ME3: variants seen among roughly 807,000 people sequenced by gnomAD.
ME3 encodes the protein malic enzyme 3.
Under a neutral mutation model 68.9 loss-of-function variants are expected in ME3, and 48 were observed. That is an observed-to-expected ratio of 0.70 (90% CI 0.55 to 0.89). The LOEUF (loss-of-function observed/expected upper bound fraction) is 0.89, where lower values mean the gene tolerates loss of function less well. ME3 is among the 40% of genes least tolerant of loss of function. The pLI is 0.00. For missense variants in ME3, 675 were observed against 797.4 expected, an observed-to-expected ratio of 0.85 and a Z score of 1.85; for synonymous variants, 320 against 318.8, an observed-to-expected ratio of 1.00 and a Z score of -0.04.
chr11:86,533,689 A>G (rs1040565554), intron 4 of ME3, among the ~76,000 whole-genome samples: 2 of 152,234 alleles, frequency 1.3e-5, no homozygotes, highest in African/African-American at 4.8e-5. Context: ...CTACAAAGAA[A>G]AGAAGACTAC....
At chr11:86,589,977 C>T (rs889773794) in intron 2 of ME3, among the ~76,000 whole-genome samples, 1 of 152,176 alleles carries the variant, frequency 6.6e-6, no homozygotes, top group Non-Finnish European at 1.5e-5. Flanking sequence ...TTTTTAGCCT[C>T]TATCCCCAGC....
intron 7 of ME3, among the ~76,000 whole-genome samples, chr11:86,470,490 C>G (rs979253401): frequency 1.3e-5 from 2 of 152,064 alleles, no homozygotes; most frequent in Non-Finnish European, 2.9e-5. Flanking sequence ...TTGAGATGGT[C>G]TTAGAGAGAG....
chr11:86,616,487 TC>T (rs746056452), intron 2 of ME3, among the ~76,000 whole-genome samples: 26 of 152,224 alleles, frequency 1.7e-4, no homozygotes, highest in Non-Finnish European at 2.6e-4. Flanking sequence ...CCAAATCATA[TC>T]AATACTATAG....
At chr11:86,637,036 T>C (rs1443540429) in intron 2 of ME3, among the ~76,000 whole-genome samples, 1 of 152,072 alleles carries the variant, frequency 6.6e-6, no homozygotes, top group Admixed American at 6.6e-5. Context: ...CTTGAATCAA[T>C]GTAAAAAGTA....
intron 2 of ME3, among the ~76,000 whole-genome samples, chr11:86,646,789 G>C (rs2135409308): frequency 6.6e-6 from 1 of 152,166 alleles, no homozygotes; most frequent in African/African-American, 2.4e-5. Flanking sequence ...AAAATGTTAA[G>C]GGCAGCCAGA....
intron 2 of ME3, among the ~76,000 whole-genome samples, chr11:86,565,552 G>T (rs1013350235): frequency 6.6e-6 from 1 of 152,158 alleles, no homozygotes; most frequent in Admixed American, 6.5e-5. Context: ...CTATAAAAAG[G>T]AATGAAGTTC....
chr11:86,588,132 A>G (rs2139649735), intron 2 of ME3, among the ~76,000 whole-genome samples: 1 of 152,344 alleles, frequency 6.6e-6, no homozygotes, highest in South Asian at 2.1e-4. Context: ...CTGTGGCATG[A>G]ACAAGATAGG....
chr11:86,501,043 G>A (rs1340561327), intron 5 of ME3, among the ~76,000 whole-genome samples: 1 of 152,120 alleles, frequency 6.6e-6, no homozygotes, highest in African/African-American at 2.4e-5. Flanking sequence ...TCACAAAACA[G>A]CCTTTGTGGT....
chr11:86,559,402 A>G (rs1957089502), intron 3 of ME3, among the ~76,000 whole-genome samples: 1 of 152,128 alleles, frequency 6.6e-6, no homozygotes, highest in Non-Finnish European at 1.5e-5. Context: ...AGTGCTTCTT[A>G]TGCTGACTCA....
intron 4 of ME3, among the ~76,000 whole-genome samples, chr11:86,526,562 C>T (rs1232262254): frequency 6.6e-6 from 1 of 152,244 alleles, no homozygotes; most frequent in Non-Finnish European, 1.5e-5. Context: ...AATGGCCAGA[C>T]TGCCTCCTCA....
intron 8 of ME3, among the ~76,000 whole-genome samples, chr11:86,464,657 G>A (rs1395413910): frequency 3.3e-5 from 5 of 152,142 alleles, no homozygotes; most frequent in Non-Finnish European, 7.3e-5. Flanking sequence ...TTGGTGCTTC[G>A]GTCTGATGAG....
chr11:86,554,809 T>C (rs930850990), intron 4 of ME3, among the ~76,000 whole-genome samples: 1 of 152,232 alleles, frequency 6.6e-6, no homozygotes, highest in East Asian at 1.9e-4. Context: ...TTGCCAAGTA[T>C]TGGTCTAGAA....
intron 4 of ME3, among the ~76,000 whole-genome samples, chr11:86,517,150 G>A (rs533429112): frequency 6.6e-6 from 1 of 152,246 alleles, no homozygotes; most frequent in South Asian, 2.1e-4. Flanking sequence ...GCAAGCACAA[G>A]GCAGGCTGCC....
chr11:86,662,063 A>G (rs976468424), intron 2 of ME3, among the ~76,000 whole-genome samples: 6 of 152,244 alleles, frequency 3.9e-5, no homozygotes, highest in African/African-American at 1.4e-4. Flanking sequence ...TAACAGAGCC[A>G]GTGGAAGTGA....
At chr11:86,671,001 C>T (rs1029272495) in intron 2 of ME3, among the ~76,000 whole-genome samples, 5 of 152,132 alleles carry the variant, frequency 3.3e-5, no homozygotes, top group African/African-American at 1.2e-4. Flanking sequence ...TTCTATTTCT[C>T]TCACCCAATC....
intron 2 of ME3, among the ~76,000 whole-genome samples, chr11:86,628,539 C>G (rs1943807472): frequency 6.6e-6 from 1 of 152,146 alleles, no homozygotes; most frequent in Admixed American, 6.5e-5. Context: ...TTTTAAATTT[C>G]TCAAATGACT....
rs556276319 is a variant in ME3, at chr11:86,499,824, C to T, written c.544-1700G>A. 2.0e-5 allele frequency among the ~76,000 whole-genome samples: 3 copies of T among 152,368 alleles called. No individual in the cohort carries two copies. The South Asian group carries it at 6.2e-4, about 32-fold the overall frequency. ...GGCGGATCTGAGATTGTTATCTCTG[C>T]TTCACCGGTGAGCAAACAGAAGCTC... On this transcript the variant is annotated intron_variant, in intron 5 of 14. Transcript: ENST00000543262.
intron 4 of ME3, among the ~76,000 whole-genome samples, chr11:86,510,002 T>C (rs370537603): frequency 1.3e-5 from 2 of 152,092 alleles, no homozygotes; most frequent in African/African-American, 4.8e-5. Flanking sequence ...AATAAAAAAA[T>C]TAAAACAAAA....
chr11:86,650,742 T>C (rs1180368818), intron 2 of ME3, among the ~76,000 whole-genome samples: 1 of 151,892 alleles, frequency 6.6e-6, no homozygotes, highest in South Asian at 2.1e-4. Context: ...TGTCAGACAG[T>C]GGGTGCAGGA....
Sources: allele counts gnomAD v4.1 joint callset (sites outside exome capture counted in the v4.1 genomes callset), GRCh38; gene constraint gnomAD v4.1.1; transcripts MANE v1.5; gene names NCBI Gene and HGNC (gene_info 2026-07-23, HGNC 2026-07-21).